The following DNAAF9 variants were observed in gnomAD, a reference collection of about 807,000 sequenced individuals.
The protein encoded by DNAAF9 is shulin.
Under a neutral mutation model 167.0 loss-of-function variants are expected in DNAAF9, and 90 were observed. That is an observed-to-expected ratio of 0.54 (90% CI 0.45 to 0.64). The LOEUF (loss-of-function observed/expected upper bound fraction) is 0.64, where lower values mean the gene tolerates loss of function less well. DNAAF9 is among the 30% of genes least tolerant of loss of function. The pLI is 0.00. For missense variants in DNAAF9, 1,315 were observed against 1,442.2 expected (o/e 0.91, Z 1.43); for synonymous variants, 491 against 508.8 (o/e 0.96, Z 0.47).
intron 30 of DNAAF9, among the ~76,000 whole-genome samples, chr20:3,266,791 T>C (rs1427935903): frequency 6.6e-6 from 1 of 151,784 alleles, no homozygotes; most frequent in Non-Finnish European, 1.5e-5. Context: ...ATTTTCTAGT[T>C]CTATCAAACC....
At chr20:3,325,465 G>A (rs1051794030) in intron 13 of DNAAF9, among the ~76,000 whole-genome samples, 3 of 152,222 alleles carry the variant, frequency 2.0e-5, no homozygotes, top group Non-Finnish European at 4.4e-5. Flanking sequence ...TGCATGTAGT[G>A]GCTAAAGGGC....
intron 29 of DNAAF9, 30 bp downstream of exon 29, chr20:3,278,882 T>G: frequency 1.3e-6 from 2 of 1,502,706 alleles, no homozygotes; most frequent in Non-Finnish European, 1.9e-6. Context: ...TTGCAAGGCA[T>G]GCAGGCTGAA....
chr20:3,390,207 T>G (rs939509660), intron 1 of DNAAF9, among the ~76,000 whole-genome samples: 1 of 152,128 alleles, frequency 6.6e-6, no homozygotes, highest in African/African-American at 2.4e-5. Context: ...AAGGAAATAT[T>G]TAGAAGTGAA....
chr20:3,337,634 G>A (rs2069988964), intron 10 of DNAAF9, among the ~76,000 whole-genome samples: 1 of 151,878 alleles, frequency 6.6e-6, no homozygotes, highest in Non-Finnish European at 1.5e-5. Context: ...GATCTCTAGT[G>A]ATTTTTCAAT....
intron 31 of DNAAF9, among the ~76,000 whole-genome samples, chr20:3,263,718 G>T (rs1005503447): frequency 7.9e-5 from 12 of 152,228 alleles, no homozygotes; most frequent in Non-Finnish European, 1.3e-4. Flanking sequence ...AAATGTTCTA[G>T]ATCTGCACTG....
intron 20 of DNAAF9, among the ~76,000 whole-genome samples, chr20:3,310,020 C>T (rs957311216): frequency 1.3e-5 from 2 of 151,964 alleles, no homozygotes; most frequent in South Asian, 2.1e-4. Context: ...TAGAGAAACC[C>T]TACCTCTACT....
intron 10 of DNAAF9, among the ~76,000 whole-genome samples, chr20:3,332,636 G>C (rs912084385): frequency 7.6e-6 from 1 of 131,348 alleles, no homozygotes; most frequent in African/African-American, 2.9e-5. Flanking sequence ...TTTTTTTTTT[G>C]TATTTTTAGT....
intron 21 of DNAAF9, among the ~76,000 whole-genome samples, chr20:3,301,837 C>A (rs2069195010): frequency 1.3e-5 from 2 of 152,140 alleles, no homozygotes; most frequent in South Asian, 4.1e-4. Flanking sequence ...AATAAAGATA[C>A]AACTCTTCGC....
intron 1 of DNAAF9, among the ~76,000 whole-genome samples, chr20:3,390,428 C>T (rs1219498806): frequency 1.3e-5 from 2 of 150,192 alleles, no homozygotes; most frequent in African/African-American, 2.5e-5. Context: ...TGCGGTGGCA[C>T]GATCTTGGCT....
intron 8 of DNAAF9, among the ~76,000 whole-genome samples, chr20:3,348,030 G>A (rs2070230855): frequency 6.6e-6 from 1 of 152,170 alleles, no homozygotes; most frequent in Admixed American, 6.5e-5. Context: ...TGCAGTGAGT[G>A]CCCAAGAAGG....
At chr20:3,386,312 C>A (rs2083736376) in intron 1 of DNAAF9, among the ~76,000 whole-genome samples, 1 of 152,084 alleles carries the variant, frequency 6.6e-6, no homozygotes. Flanking sequence ...GATAGAGTAA[C>A]CAGAAGCAGA....
At chr20:3,266,801 C>T (rs1479173267) in intron 30 of DNAAF9, among the ~76,000 whole-genome samples, 2 of 151,000 alleles carry the variant, frequency 1.3e-5, no homozygotes, top group Non-Finnish European at 2.9e-5. Context: ...TCTATCAAAC[C>T]TTATTTACTT....
At chr20:3,357,970 T>C (rs916525394) in intron 7 of DNAAF9, among the ~76,000 whole-genome samples, 4 of 152,218 alleles carry the variant, frequency 2.6e-5, no homozygotes, top group Admixed American at 6.5e-5. Context: ...TGATCACCGC[T>C]GCACTCCAGC....
chr20:3,398,147 G>A (rs931147631), intron 1 of DNAAF9, among the ~76,000 whole-genome samples: 1 of 152,192 alleles, frequency 6.6e-6, no homozygotes, highest in Non-Finnish European at 1.5e-5. Context: ...TCACCATGCA[G>A]GAAGAATGTG....
chr20:3,356,973 T>A (rs1438237087), intron 7 of DNAAF9, among the ~76,000 whole-genome samples: 1 of 152,214 alleles, frequency 6.6e-6, no homozygotes, highest in Non-Finnish European at 1.5e-5. Flanking sequence ...TCTATTTCAT[T>A]ATTTTCAGGT....
chr20:3,281,854 A>T (rs1017440825), intron 27 of DNAAF9, 88 bp from the exon 28 acceptor site: 5 of 1,392,074 alleles, frequency 3.6e-6, no homozygotes, highest in Non-Finnish European at 4.9e-6. Flanking sequence ...TGATTGAACA[A>T]GGATGGAAAG....
At chr20:3,270,603 G>A (rs766336414) in intron 29 of DNAAF9, 41 bp from the exon 30 acceptor site, 6 of 1,588,436 alleles carry the variant, frequency 3.8e-6, no homozygotes, top group Admixed American at 3.4e-5. Context: ...TCACAGTCCT[G>A]GTTAGGGGTG....
rs1048313742 is a variant in DNAAF9 at position 3,391,592 on chromosome 20, T to C, written c.84-9086A>G. On this transcript the variant is annotated intron_variant, in intron 1 of 36. Coordinates refer to ENST00000252032, the MANE Select transcript of DNAAF9 (RefSeq NM_001009984.3). ...CTTTTTTCCTTCTTTTTTTTTTTTT[T>C]TTTTTGAGACAGAGTTTCACTCGTG... Among the ~76,000 whole-genome samples the C allele has an allele frequency of 5.1e-4, 76 of 150,016 alleles. 1 individual carries two copies. The East Asian group carries it at 0.01, about 20-fold the overall frequency.
intron 35 of DNAAF9, among the ~76,000 whole-genome samples, chr20:3,254,082 T>C (rs2068237764): frequency 6.6e-6 from 1 of 152,072 alleles, no homozygotes; most frequent in Admixed American, 6.5e-5. Context: ...CTTTTATTTA[T>C]TTATTTATTT....
Sources: allele counts gnomAD v4.1 joint callset (sites outside exome capture counted in the v4.1 genomes callset), GRCh38; gene constraint gnomAD v4.1.1; transcripts MANE v1.5; gene names NCBI Gene and HGNC (gene_info 2026-07-23, HGNC 2026-07-21).